Variants in CD163L1 observed in about 807,000 individuals in gnomAD.
CD163L1 encodes scavenger receptor cysteine-rich type 1 protein M160.
Under a neutral mutation model 165.4 loss-of-function variants are expected in CD163L1, and 124 were observed. The observed-to-expected ratio is 0.75, with a 90% confidence interval of 0.65 to 0.87. The LOEUF (loss-of-function observed/expected upper bound fraction) is 0.87. Among genes scored for constraint, CD163L1 ranks in the 40% least tolerant of loss-of-function variants. CD163L1 has a pLI of 0.00. For synonymous variants in CD163L1, 585 were observed against 662.2 expected (o/e 0.88, Z 1.79); for missense variants, 1,525 against 1,799.9 (o/e 0.85, Z 2.76).
chr12:7,334,969 C>T, the CD163L1 span, among the ~76,000 whole-genome samples: 2 of 152,110 alleles, frequency 1.3e-5, no homozygotes, highest in Non-Finnish European at 2.9e-5. Flanking sequence ...GAACTACAAA[C>T]CACTGCTCAA....
At chr12:7,399,266 TTTC>T (rs1262441376) in intron 6 of CD163L1, among the ~76,000 whole-genome samples, 3 of 149,382 alleles carry the variant, frequency 2.0e-5, no homozygotes, top group Non-Finnish European at 3.0e-5. Context: ...CTTTCCTCTC[TTTC>T]TTCCTTTTTC....
intron 4 of CD163L1, among the ~76,000 whole-genome samples, chr12:7,414,291 A>G (rs1237259002): frequency 6.6e-6 from 1 of 152,170 alleles, no homozygotes; most frequent in Non-Finnish European, 1.5e-5. Flanking sequence ...ACAATGAAAC[A>G]GAAATTTTGG....
At chr12:7,346,756 C>G (rs10772012) in exon 5 of CD163L1, 63,474 of 151,968 alleles carry the variant, frequency 0.42, 14,570 homozygotes, top group Non-Finnish European at 0.52. Context: ...CCCAGGAAAC[C>G]ACTGCTAAAG....
intron 1 of CD163L1, among the ~76,000 whole-genome samples, chr12:7,441,576 A>T (rs1948831490): frequency 6.6e-6 from 1 of 151,914 alleles, no homozygotes; most frequent in African/African-American, 2.4e-5. Flanking sequence ...TTACTTCTCA[A>T]CTCTTTGACC....
At chr12:7,361,836 C>T (rs1384418027) in intron 18 of CD163L1, among the ~76,000 whole-genome samples, 4 of 151,856 alleles carry the variant, frequency 2.6e-5, no homozygotes, top group East Asian at 1.9e-4. Flanking sequence ...TTTGTGCAAC[C>T]GTTACCACCA....
chr12:7,425,904 A>G (rs1011970982), intron 4 of CD163L1, among the ~76,000 whole-genome samples: 1 of 152,188 alleles, frequency 6.6e-6, no homozygotes, highest in African/African-American at 2.4e-5. Context: ...AGGGTTTAGA[A>G]CTAGAAATAC....
chr12:7,369,558 C>T lies in CD163L1; in HGVS notation c.3838G>A (p.Ala1280Thr). The T allele has an allele frequency of 2.5e-6, 4 of 1,614,212 alleles. No individual in the cohort carries two copies. Among genetic ancestry groups the T allele is most frequent in the Non-Finnish European group, 3.4e-6 (4 of 1,180,038 alleles). ...CCCAGCTGCTGACACACCACTTCCG[C>T]CTCGGCCAGGTCCCAGGAGTCATCA... ...VCDDSWDLAE[A>T]EVVCQQLGCG... The change falls in exon 15 of 20, where the codon GCG (alanine) becomes ACG (threonine). Residue 1280 changes from alanine to threonine, a missense_variant. By Grantham distance (58) the Ala-to-Thr change is moderately conservative. Coordinates refer to ENST00000313599, the MANE Select transcript of CD163L1 (RefSeq NM_174941.6). The surrounding 1 kb of genome is among the most constrained non-coding windows in gnomAD (Gnocchi z 4.9).
At chr12:7,392,253 A>T (rs1176656165) in intron 8 of CD163L1, among the ~76,000 whole-genome samples, 2 of 152,222 alleles carry the variant, frequency 1.3e-5, no homozygotes, top group African/African-American at 4.8e-5. Context: ...TCAAATTAGA[A>T]CTCAGAATTA....
chr12:7,341,882 A>G (rs913031587), downstream of CD163L1, among the ~76,000 whole-genome samples: 1 of 152,170 alleles, frequency 6.6e-6, no homozygotes, highest in African/African-American at 2.4e-5. Flanking sequence ...CGATGTTTAT[A>G]TTGAAAAAAT....
intron 7 of CD163L1, 75 bp from the exon 8 acceptor site, chr12:7,396,490 G>A (rs1836417808): frequency 7.2e-7 from 1 of 1,384,546 alleles, no homozygotes; most frequent in Admixed American, 2.3e-5. Context: ...GCTGGACTAT[G>A]ATACCCAGTT....
At chr12:7,439,176 A>G (rs1426189462) in intron 2 of CD163L1, 2 of 1,575,834 alleles carry the variant, frequency 1.3e-6, no homozygotes, top group East Asian at 2.2e-5. Context: ...TCCTCCGGAA[A>G]GGGGGAATCA....
intron 4 of CD163L1, among the ~76,000 whole-genome samples, chr12:7,410,278 G>C (rs1285910777): frequency 2.0e-5 from 3 of 152,124 alleles, no homozygotes; most frequent in African/African-American, 7.2e-5. Context: ...AGAGTAAAAA[G>C]ATAGAGAATT....
chr12:7,330,714 G>A, the CD163L1 span, among the ~76,000 whole-genome samples: 1 of 152,166 alleles, frequency 6.6e-6, no homozygotes, highest in African/African-American at 2.4e-5. Context: ...GTTCCTCCAG[G>A]TGGGTTATAT....
At chr12:7,379,393 C>A in intron 8 of CD163L1, 95 bp from the exon 9 acceptor site, 1 of 1,264,202 alleles carries the variant, frequency 7.9e-7, no homozygotes, top group Non-Finnish European at 1.1e-6. Flanking sequence ...GACCAGTGGC[C>A]AAAAGTTGAG....
intron 4 of CD163L1, among the ~76,000 whole-genome samples, chr12:7,421,719 A>G (rs1413590119): frequency 7.6e-6 from 1 of 131,534 alleles, no homozygotes; most frequent in African/African-American, 2.7e-5. Context: ...AAATACATAT[A>G]CGTATATATG....
Position 7,368,160 on chromosome 12 carries a change from G to C in CD163L1, c.4110C>G (p.Leu1370=). The change falls in exon 17 of 20, where the codon CTC becomes CTG. Residue 1370 remains leucine (L), a synonymous_variant. Transcript: ENST00000313599. This position sits in a 1 kb window ranked among gnomAD's most constrained non-coding sequence, Gnocchi z 4.3. ...ATAGAATAAACAGAACCAGGAGAAG[G>C]AGCCCAAAGATACTGGATAAAATAA... ...LALILSSIFG[L]LLLVLFILFL... is the part of the protein sequence containing the mutation. 1 of 1,611,390 alleles carries C rather than the reference G, an allele frequency of 6.2e-7. No homozygotes were observed. The highest frequency in any genetic ancestry group is 8.5e-7 in the Non-Finnish European group (1 of 1,177,730).
At chr12:7,329,689 C>A in the CD163L1 span, among the ~76,000 whole-genome samples, 1 of 151,738 alleles carries the variant, frequency 6.6e-6, no homozygotes, top group Admixed American at 6.6e-5. Flanking sequence ...TCAATTCTTA[C>A]CCTGGAATCT....
At chr12:7,350,470 T>C (rs1289993884), downstream of CD163L1, among the ~76,000 whole-genome samples, 3 of 152,156 alleles carry the variant, frequency 2.0e-5, no homozygotes, top group Non-Finnish European at 4.4e-5. Flanking sequence ...TCCTTTAACT[T>C]ACTTGTGATA....
At chr12:7,335,916 A>G in the CD163L1 span, among the ~76,000 whole-genome samples, 4 of 149,820 alleles carry the variant, frequency 2.7e-5, no homozygotes, top group East Asian at 3.9e-4. Context: ...AATGCTCATC[A>G]TCACTGGCCA....
Sources: allele counts gnomAD v4.1 joint callset (sites outside exome capture counted in the v4.1 genomes callset), GRCh38; gene constraint gnomAD v4.1.1; non-coding constraint Gnocchi (gnomAD v3.1); transcripts MANE v1.5; gene names NCBI Gene and HGNC (gene_info 2026-07-23, HGNC 2026-07-21).